The following USH1C variants were observed in gnomAD, a reference collection of about 807,000 sequenced individuals.
USH1C encodes the protein USH1 protein network component harmonin.
Under a neutral mutation model 119.3 loss-of-function variants are expected in USH1C, and 90 were observed. The ratio of observed to expected loss-of-function variants is 0.75; its 90% CI spans 0.64 to 0.90. The LOEUF (loss-of-function observed/expected upper bound fraction) is 0.90, where lower values mean the gene tolerates loss of function less well. Among genes scored for constraint, USH1C ranks in the 40% least tolerant of loss-of-function variants. The pLI, the probability that USH1C is intolerant of heterozygous loss-of-function variation, is 0.00. For synonymous variants in USH1C, 465 were observed against 443.3 expected (o/e 1.05, Z -0.62); for missense variants, 1,165 against 1,167.7 (o/e 1.00, Z 0.03).
rs148135844 is a variant in USH1C at position 17,530,555 on chromosome 11, G to A, written c.387+599C>T. On this transcript the variant is annotated intron_variant, in intron 4 of 26. Coordinates refer to ENST00000005226, the MANE Select transcript of USH1C (RefSeq NM_153676.4). Reference sequence around the variant, plus strand: ...CTCCCTCTCTCTGTTCACTTACCAGGCTCACAGCATTTGTATGCCAGGCCC... The same window carrying A: ...CTCCCTCTCTCTGTTCACTTACCAGACTCACAGCATTTGTATGCCAGGCCC... Among the ~76,000 whole-genome samples the A allele has an allele frequency of 2.8e-3, 429 of 152,314 alleles. 3 individuals carry two copies. Among genetic ancestry groups the A allele is most frequent in the African/African-American group, 9.2e-3 (382 of 41,568 alleles).
In USH1C at chr11:17,511,891, A is replaced by G; in HGVS notation, c.1413+11T>C. ...AGGGTTGCTTGCCTGGCCTGCAGGC[A>G]GGACACATACCTCCTGGGCCAGCCG... On this transcript the variant is annotated intron_variant, in intron 16 of 26. Coordinates refer to ENST00000005226, the MANE Select transcript of USH1C (RefSeq NM_153676.4). 1 of 1,611,546 alleles carries G rather than the reference A, an allele frequency of 6.2e-7. No individual in the cohort carries two copies. Among genetic ancestry groups the G allele is most frequent in the Non-Finnish European group, 8.5e-7 (1 of 1,178,914 alleles).
chr11:17,503,170 G>A (rs1302021826), intron 20 of USH1C, among the ~76,000 whole-genome samples: 1 of 152,208 alleles, frequency 6.6e-6, no homozygotes, highest in Non-Finnish European at 1.5e-5. Flanking sequence ...CTACATCCAG[G>A]TCAGTGTGTG....
intron 20 of USH1C, among the ~76,000 whole-genome samples, chr11:17,503,907 T>C (rs1029567456): frequency 6.6e-6 from 1 of 152,252 alleles, no homozygotes. Flanking sequence ...GCACAGTTGA[T>C]ACTGCCCCTC....
chr11:17,511,517 T>C (rs1020786541), intron 16 of USH1C, among the ~76,000 whole-genome samples: 19 of 152,130 alleles, frequency 1.2e-4, no homozygotes, highest in Admixed American at 4.6e-4. Flanking sequence ...CCTTAGACTC[T>C]GGTGGGGTAG....
intron 26 of USH1C, 146 bp downstream of exon 26, chr11:17,495,423 C>G: frequency 2.3e-6 from 2 of 854,398 alleles, no homozygotes; most frequent in South Asian, 1.4e-5. Flanking sequence ...CTGTGGCCAA[C>G]AGCAGGCCCC....
chr11:17,526,589 G>T, intron 7 of USH1C, 148 bp from the exon 8 acceptor site: 1 of 1,134,046 alleles, frequency 8.8e-7, no homozygotes. Context: ...CACCAGCTGG[G>T]CCTGGCCGAG....
At chr11:17,504,830 C>T (rs1018010231) in intron 19 of USH1C, 133 bp from the exon 20 acceptor site, 27 of 833,766 alleles carry the variant, frequency 3.2e-5, no homozygotes, top group East Asian at 7.7e-5. Context: ...GTCTGGCTTA[C>T]GTTAAAGGCC....
At chr11:17,526,239 C>A in intron 8 of USH1C, 108 bp downstream of exon 8, 1 of 916,030 alleles carries the variant, frequency 1.1e-6, no homozygotes, top group South Asian at 1.4e-5. Flanking sequence ...CAGTCACACC[C>A]CTGGTGGGCA....
rs755916304 is a variant in USH1C at position 17,511,947 on chromosome 11, C to T, written c.1368G>A (p.Met456Ile). 7 of 1,614,064 alleles carry T rather than the reference C, an allele frequency of 4.3e-6. No homozygotes were observed. In the Admixed American group the frequency reaches 6.7e-5, roughly 15 times the overall value. ...TCTTTAGCTGCTTTTCCTTCTCCAG[C>T]ATTTCCTCTTTCTCTTTGTAAAGCT... ...EQKLYKEKEE[M>I]LEKEKQLKIN... The change falls in exon 16 of 27, where the codon ATG becomes ATA. Residue 456 changes from methionine to isoleucine, a missense_variant. Coordinates refer to ENST00000005226, the MANE Select transcript of USH1C (RefSeq NM_153676.4).
At chr11:17,504,556 C>G in intron 20 of USH1C, 91 bp downstream of exon 20, 3 of 1,433,096 alleles carry the variant, frequency 2.1e-6, no homozygotes, top group Non-Finnish European at 3.0e-6. Flanking sequence ...ATGGACCTGA[C>G]CAGGTACTCC....
chr11:17,498,345 G>T, intron 23 of USH1C, 74 bp from the exon 24 acceptor site: 8 of 1,370,280 alleles, frequency 5.8e-6, no homozygotes, highest in South Asian at 4.6e-5. Context: ...TGGCAAAGGG[G>T]GGTCATTGCC....
rs377451057 is a variant in USH1C, at chr11:17,530,387, CAGTT to C, written c.387+763_387+766del. ...TTCTGGGCTTGGCAGTCAGGAGACC[CAGTT>C]AGTTTCTAATCCTGGCTCTGCCACT... On this transcript the variant is annotated intron_variant, in intron 4 of 26. Coordinates refer to ENST00000005226, the MANE Select transcript of USH1C (RefSeq NM_153676.4). Among the ~76,000 whole-genome samples, 429 of 152,328 alleles carry C rather than the reference CAGTT, an allele frequency of 2.8e-3. 3 individuals carry two copies. Among genetic ancestry groups the C allele is most frequent in the African/African-American group, 9.2e-3 (382 of 41,574 alleles).
At chr11:17,525,984 T>C (rs1850650579) in intron 8 of USH1C, among the ~76,000 whole-genome samples, 1 of 152,198 alleles carries the variant, frequency 6.6e-6, no homozygotes, top group African/African-American at 2.4e-5. Context: ...GAGGATCACT[T>C]GAGCCCAGGA....
At chr11:17,520,211 G>A (rs1285584804) in intron 14 of USH1C, among the ~76,000 whole-genome samples, 2 of 152,172 alleles carry the variant, frequency 1.3e-5, no homozygotes, top group East Asian at 1.9e-4. Context: ...GGAGCAGGTG[G>A]TAGAGGCTTA....
intron 1 of USH1C, among the ~76,000 whole-genome samples, chr11:17,542,334 T>TC (rs1851504376): frequency 6.6e-6 from 1 of 152,250 alleles, no homozygotes; most frequent in Non-Finnish European, 1.5e-5. Flanking sequence ...CTCCTTTCTA[T>TC]CCTCTGTGCT....
rs529646373 is a variant in USH1C at position 17,501,930 on chromosome 11, A to G, written c.2226+9T>C. 2 of 1,613,480 alleles carry G rather than the reference A, an allele frequency of 1.2e-6. No homozygotes were observed. The highest frequency in any genetic ancestry group is 1.7e-6 in the Non-Finnish European group (2 of 1,179,694). ...GTTACTTGTCCAGGAGAGAAGCGTC[A>G]TCTCTTACCATAGAGTAGGGGTCAA... On this transcript the variant is annotated intron_variant, in intron 21 of 26. Transcript: ENST00000005226.
intron 1 of USH1C, among the ~76,000 whole-genome samples, chr11:17,541,001 AC>A (rs1378092229): frequency 1.3e-5 from 2 of 152,102 alleles, no homozygotes; most frequent in African/African-American, 4.8e-5. Flanking sequence ...ACACTGTCCT[AC>A]TTGCTGTTCC....
intron 4 of USH1C, among the ~76,000 whole-genome samples, chr11:17,527,534 TGTC>T (rs370052210): frequency 1.1e-3 from 167 of 152,204 alleles, no homozygotes; most frequent in African/African-American, 3.9e-3. Context: ...CAAGCAGTCT[TGTC>T]GCCCCATTTT....
At chr11:17,512,289 C>G (rs1479389808) in intron 15 of USH1C, among the ~76,000 whole-genome samples, 1 of 152,138 alleles carries the variant, frequency 6.6e-6, no homozygotes, top group Non-Finnish European at 1.5e-5. Context: ...TATTAGTTCA[C>G]TAACTAGCTG....
Sources: allele counts gnomAD v4.1 joint callset (sites outside exome capture counted in the v4.1 genomes callset), GRCh38; gene constraint gnomAD v4.1.1; transcripts MANE v1.5; gene names NCBI Gene and HGNC (gene_info 2026-07-23, HGNC 2026-07-21).